PPA2: variants seen among roughly 807,000 people sequenced by gnomAD.
The protein encoded by PPA2 is inorganic pyrophosphatase 2.
A neutral mutation model predicts 49.5 loss-of-function variants in PPA2; 48 were observed. That is an observed-to-expected ratio of 0.97 (90% confidence interval 0.77 to 1.23). The LOEUF is 1.23. Among genes scored for constraint, PPA2 ranks in the 50% most tolerant of loss-of-function variants. PPA2 has a pLI of 0.00. For synonymous variants in PPA2, 131 were observed against 139.9 expected, an observed-to-expected ratio of 0.94 and a Z score of 0.45; for missense variants, 429 against 410.1, an observed-to-expected ratio of 1.05 and a Z score of -0.40.
At chr4:105,389,901 A>G (rs1190031387) in intron 9 of PPA2, among the ~76,000 whole-genome samples, 1 of 152,182 alleles carries the variant, frequency 6.6e-6, no homozygotes, top group Non-Finnish European at 1.5e-5. Context: ...CTTGGAATAA[A>G]TGTACACAAA....
chr4:105,463,426 G>A lies in PPA2; in HGVS notation c.158-6681C>T, dbSNP rs112882377. ...TTGGGTGCTGTTAAAAGCATTCAGA[G>A]CATAAAAGTTTGGAAAATTTGTGGC... On this transcript the variant is annotated intron_variant, in intron 1 of 11. Transcript: ENST00000341695. Among the ~76,000 whole-genome samples, 924 of 152,252 alleles carry A rather than the reference G, an allele frequency of 6.1e-3. 12 individuals carry two copies. Among genetic ancestry groups the A allele is most frequent in the African/African-American group, 0.022 (894 of 41,550 alleles).
intron 1 of PPA2, among the ~76,000 whole-genome samples, chr4:105,468,289 A>G (rs373102177): frequency 3.3e-5 from 5 of 152,296 alleles, no homozygotes; most frequent in African/African-American, 1.2e-4. Context: ...TGGGCTGAGG[A>G]TTGAGCCCTG....
chr4:105,386,378 T>C (rs945769598), intron 10 of PPA2, among the ~76,000 whole-genome samples, 189 bp downstream of exon 10: 1 of 152,174 alleles, frequency 6.6e-6, no homozygotes, highest in African/African-American at 2.4e-5. Flanking sequence ...ATTTAAAAAC[T>C]CAACTAAAAG....
intron 6 of PPA2, among the ~76,000 whole-genome samples, chr4:105,428,640 G>A (rs966020395): frequency 3.3e-5 from 5 of 150,746 alleles, no homozygotes; most frequent in Non-Finnish European, 5.9e-5. Flanking sequence ...TGGACACAGG[G>A]AGGGGAACAT....
At chr4:105,377,764 T>C (rs1326218649) in intron 10 of PPA2, among the ~76,000 whole-genome samples, 3 of 152,164 alleles carry the variant, frequency 2.0e-5, no homozygotes, top group Non-Finnish European at 4.4e-5. Flanking sequence ...TTAGCTTGCA[T>C]TTCCTAAAAT....
chr4:105,470,099 TAAC>T (rs1284577743), intron 1 of PPA2, among the ~76,000 whole-genome samples: 5 of 152,212 alleles, frequency 3.3e-5, no homozygotes, highest in African/African-American at 1.2e-4. Flanking sequence ...TATCCCATAA[TAAC>T]AAAATTCCTA....
intron 9 of PPA2, among the ~76,000 whole-genome samples, chr4:105,393,507 A>C (rs1345842583): frequency 6.8e-6 from 1 of 146,092 alleles, no homozygotes; most frequent in Non-Finnish European, 1.5e-5. Flanking sequence ...TAATAATAAT[A>C]ATAATAATAA....
At position 105,473,973 on chromosome 4, in the gene PPA2, G is replaced by A. The variant is rs1723652076; in HGVS notation, c.78C>T (p.Thr26=). ...ACAGGGCCATAGCACGGCGCGACCC[G>A]GTCCCTGCACTGGTCCCCAACCGCA... is the stretch of plus-strand genomic sequence containing the variant. ...ACLRLGTSAG[T]GSRRAMALYH... Residue 26 remains threonine, a synonymous_variant, in exon 1 of 12, where the codon ACC becomes ACT. Coordinates refer to ENST00000341695, the MANE Select transcript of PPA2 (RefSeq NM_176869.3). The A allele has an allele frequency of 1.9e-6, 3 of 1,610,916 alleles. No homozygotes were observed. The highest frequency in any genetic ancestry group is 2.5e-6 in the Non-Finnish European group (3 of 1,178,964).
chr4:105,437,887 G>A (rs1724137727), intron 6 of PPA2, 63 bp downstream of exon 6: 7 of 1,312,994 alleles, frequency 5.3e-6, no homozygotes. Flanking sequence ...AGGCTAAAAT[G>A]AAATTTTATG....
chr4:105,396,231 G>A lies in PPA2; in HGVS notation c.869+18C>T. On this transcript the variant is annotated intron_variant, in intron 9 of 11. Transcript: ENST00000341695. Reference sequence around the variant, plus strand: ...CAATTAATATAACATTACTTACATAGAAAAGACAAATTCTTACCAATTTAT... The same window carrying A: ...CAATTAATATAACATTACTTACATAAAAAAGACAAATTCTTACCAATTTAT... The A allele has an allele frequency of 6.7e-7, 1 of 1,485,760 alleles. No individual in the cohort carries two copies. Among genetic ancestry groups the A allele is most frequent in the South Asian group, 1.3e-5 (1 of 79,074 alleles). 92.0% of individuals were successfully genotyped at this position (1,485,760 alleles called of 1,614,324 possible). A position where few individuals can be genotyped will look rare whatever the true frequency, so the allele number is the denominator to read the frequency against.
intron 5 of PPA2, among the ~76,000 whole-genome samples, chr4:105,445,362 T>C (rs1255285227): frequency 6.6e-6 from 1 of 152,174 alleles, no homozygotes; most frequent in Non-Finnish European, 1.5e-5. Context: ...AAAACCTGCT[T>C]TCATGGTTTC....
chr4:105,375,106 T>C (rs1360704330), intron 10 of PPA2, among the ~76,000 whole-genome samples: 2 of 152,038 alleles, frequency 1.3e-5, no homozygotes, highest in African/African-American at 4.8e-5. Context: ...ACAATATAGG[T>C]TCAATTCTTA....
intron 7 of PPA2, among the ~76,000 whole-genome samples, chr4:105,399,937 A>G (rs577267628): frequency 6.6e-6 from 1 of 152,280 alleles, no homozygotes; most frequent in South Asian, 2.1e-4. Flanking sequence ...GTCCTGCTCC[A>G]TCCTGTCCAA....
chr4:105,386,544 T>A, intron 10 of PPA2, 23 bp downstream of exon 10: 1 of 1,586,710 alleles, frequency 6.3e-7, no homozygotes, highest in Non-Finnish European at 8.7e-7. Context: ...GATTAAAGGA[T>A]GTCTTGGATG....
At chr4:105,469,450 C>T (rs1382441373) in intron 1 of PPA2, among the ~76,000 whole-genome samples, 1 of 152,316 alleles carries the variant, frequency 6.6e-6, no homozygotes, top group Non-Finnish European at 1.5e-5. Context: ...AATGTGAAAA[C>T]CATACCTAAT....
At chr4:105,372,919 A>G (rs1321338399) in intron 10 of PPA2, among the ~76,000 whole-genome samples, 2 of 152,232 alleles carry the variant, frequency 1.3e-5, no homozygotes, top group Non-Finnish European at 2.9e-5. Context: ...TTAAGAAAAA[A>G]GCTGAACAAA....
chr4:105,462,376 C>T (rs1257738071), intron 1 of PPA2, among the ~76,000 whole-genome samples: 1 of 152,194 alleles, frequency 6.6e-6, no homozygotes, highest in Non-Finnish European at 1.5e-5. Context: ...TTTAAAACAT[C>T]TATTTTGCTG....
At position 105,369,727 on chromosome 4, in the gene PPA2, A is replaced by G; in HGVS notation, c.1003T>C (p.Ter335ArgextTer14). Residue 335 changes from the stop codon to arginine, a stop_lost, in exon 12 of 12, where the codon TGA becomes CGA. Transcript: ENST00000341695. ...CAGCAGAATTTCAGATGTTTCAATC[A>G]CTTGCCAAGGAAGTGCCACACTTGC... ...EEQVWHFLGK[*>R] is the part of the protein sequence containing the mutation. The G allele has an allele frequency of 6.3e-7, 1 of 1,590,550 alleles. No individual in the cohort carries two copies. The highest frequency in any genetic ancestry group is 8.6e-7 in the Non-Finnish European group (1 of 1,158,662).
At chr4:105,415,174 G>C (rs1722949665) in intron 7 of PPA2, among the ~76,000 whole-genome samples, 1 of 152,190 alleles carries the variant, frequency 6.6e-6, no homozygotes, top group African/African-American at 2.4e-5. Context: ...CAGACAGCCT[G>C]GTCCCCAGGC....
Sources: gnomAD v4.1 joint callset for allele counts (sites outside exome capture counted in the v4.1 genomes callset) on GRCh38, gnomAD v4.1.1 for gene constraint, MANE v1.5 for transcripts, NCBI Gene and HGNC (gene_info 2026-07-23, HGNC 2026-07-21) for gene names.